The following KCNH8 variants were observed in gnomAD, a reference collection of about 807,000 sequenced individuals.
KCNH8 encodes potassium voltage-gated channel subfamily H member 8.
Under a neutral mutation model 103.6 loss-of-function variants are expected in KCNH8, and 70 were observed. That is an observed-to-expected ratio of 0.68 (90% CI 0.56 to 0.82). KCNH8 has a LOEUF of 0.82. KCNH8 is among the 40% of genes least tolerant of loss of function. KCNH8 has a pLI of 0.00. For synonymous variants in KCNH8, 498 were observed against 489.4 expected (o/e 1.02, Z -0.23); for missense variants, 1,217 against 1,329.9 (o/e 0.92, Z 1.32).
At chr3:19,333,860 TGTA>T (rs2065545429) in intron 3 of KCNH8, among the ~76,000 whole-genome samples, 1 of 152,146 alleles carries the variant, frequency 6.6e-6, no homozygotes, top group Non-Finnish European at 1.5e-5. Flanking sequence ...CTCTTTCACT[TGTA>T]GTCATTTTTG....
intron 11 of KCNH8, among the ~76,000 whole-genome samples, chr3:19,508,516 T>G (rs2068733519): frequency 6.6e-6 from 1 of 152,132 alleles, no homozygotes. Context: ...AATACCTATA[T>G]TATAGGATCA....
At chr3:19,466,649 ATTTTTTTTTTT>A (rs869048680) in intron 11 of KCNH8, among the ~76,000 whole-genome samples, 25 of 50,644 alleles carry the variant, frequency 4.9e-4, no homozygotes, top group Admixed American at 9.3e-4. Context: ...GTAGCAATAC[ATTTTTTTTTTT>A]TTTTTTTTTT....
intron 5 of KCNH8, among the ~76,000 whole-genome samples, chr3:19,366,602 C>T (rs1245312784): frequency 1.3e-5 from 2 of 151,892 alleles, no homozygotes; most frequent in South Asian, 2.1e-4. Flanking sequence ...TTTTTTCCCT[C>T]TTACCAAACG....
At chr3:19,176,216 C>A (rs1424262730) in intron 1 of KCNH8, among the ~76,000 whole-genome samples, 1 of 152,042 alleles carries the variant, frequency 6.6e-6, no homozygotes. Context: ...TGAAAGAGAC[C>A]TGAATAATTA....
Position 19,268,170 on chromosome 3 carries a change from G to A in KCNH8, c.311-13028G>A, listed in dbSNP as rs117074117. On this transcript the variant is annotated intron_variant, in intron 2 of 15. Coordinates refer to ENST00000328405, the MANE Select transcript of KCNH8 (RefSeq NM_144633.3). ...CCTCCTGTACCTTATGGTCTATTAA[G>A]AGAGAATGACTAATCAAATAATCAC... is the stretch of plus-strand genomic sequence containing the variant. Among the ~76,000 whole-genome samples, 496 of 152,212 alleles carry A rather than the reference G, an allele frequency of 3.3e-3. 22 individuals carry two copies. In the East Asian group the frequency reaches 0.083, roughly 26 times the overall value.
intron 5 of KCNH8, 129 bp from the exon 6 acceptor site, chr3:19,390,352 C>G: frequency 6.5e-5 from 40 of 614,504 alleles, no homozygotes; most frequent in Non-Finnish European, 6.9e-5. Context: ...CGATTTTCTT[C>G]CTCCCTTCCT....
intron 2 of KCNH8, among the ~76,000 whole-genome samples, chr3:19,263,963 G>A (rs1213574389): frequency 2.6e-5 from 4 of 152,010 alleles, no homozygotes; most frequent in African/African-American, 4.8e-5. Flanking sequence ...AAGTGTATTC[G>A]AGAATGTTGG....
At chr3:19,524,208 T>C (rs1484093387) in intron 15 of KCNH8, among the ~76,000 whole-genome samples, 1 of 151,940 alleles carries the variant, frequency 6.6e-6, no homozygotes, top group Non-Finnish European at 1.5e-5. Flanking sequence ...ACTGACAGAA[T>C]TGTCAGGTCA....
intron 11 of KCNH8, among the ~76,000 whole-genome samples, chr3:19,463,782 A>G (rs1267520585): frequency 1.3e-5 from 2 of 152,090 alleles, no homozygotes; most frequent in Admixed American, 6.5e-5. Context: ...CGGGGATTGT[A>G]TGGGGATGTT....
intron 1 of KCNH8, among the ~76,000 whole-genome samples, chr3:19,171,863 T>C (rs7648766): frequency 0.043 from 6,399 of 148,444 alleles, 440 homozygotes; most frequent in African/African-American, 0.16. Context: ...TGTTGGTTAG[T>C]TTGTTGGTTT....
At chr3:19,269,352 T>C (rs2064556757) in intron 2 of KCNH8, among the ~76,000 whole-genome samples, 1 of 152,106 alleles carries the variant, frequency 6.6e-6, no homozygotes, top group South Asian at 2.1e-4. Flanking sequence ...GTTCCACTAT[T>C]TTTAAAAAAA....
chr3:19,504,867 C>T (rs1464096792), intron 11 of KCNH8, among the ~76,000 whole-genome samples: 1 of 151,870 alleles, frequency 6.6e-6, no homozygotes, highest in East Asian at 1.9e-4. Flanking sequence ...CATAAAGACA[C>T]ATGCACACAT....
At chr3:19,395,351 TAA>T in intron 7 of KCNH8, 40 bp downstream of exon 7, 1 of 1,416,454 alleles carries the variant, frequency 7.1e-7, no homozygotes, top group Middle Eastern at 1.8e-4. Context: ...TTTTTTAATT[TAA>T]AAAAAAAGAG....
At chr3:19,520,727 C>CT (rs1362466588) in intron 15 of KCNH8, among the ~76,000 whole-genome samples, 1 of 151,912 alleles carries the variant, frequency 6.6e-6, no homozygotes, top group African/African-American at 2.4e-5. Context: ...GAAAAAAACT[C>CT]TACCACCAAA....
At chr3:19,435,465 G>A (rs372184214) in intron 7 of KCNH8, among the ~76,000 whole-genome samples, 12 of 152,106 alleles carry the variant, frequency 7.9e-5, no homozygotes, top group South Asian at 2.1e-4. Flanking sequence ...TACCATTTTC[G>A]CAGAGTATCT....
chr3:19,398,190 G>A (rs150260865), intron 7 of KCNH8, among the ~76,000 whole-genome samples: 10 of 152,082 alleles, frequency 6.6e-5, no homozygotes, highest in African/African-American at 1.9e-4. Context: ...TTGGTTCTGT[G>A]TTAGGCACTG....
At chr3:19,271,418 G>A (rs1014843119) in intron 2 of KCNH8, among the ~76,000 whole-genome samples, 1 of 152,122 alleles carries the variant, frequency 6.6e-6, no homozygotes, top group African/African-American at 2.4e-5. Context: ...TTAAAGTGGA[G>A]TATGATATGT....
chr3:19,489,334 C>A (rs2068272561), intron 11 of KCNH8, among the ~76,000 whole-genome samples: 1 of 152,054 alleles, frequency 6.6e-6, no homozygotes, highest in African/African-American at 2.4e-5. Context: ...GGAGCGAGAA[C>A]CTTCCTTAAC....
At chr3:19,169,366 C>G (rs1177711398) in intron 1 of KCNH8, among the ~76,000 whole-genome samples, 1 of 149,366 alleles carries the variant, frequency 6.7e-6, no homozygotes, top group African/African-American at 2.5e-5. Flanking sequence ...TCACGCCATT[C>G]TCCTGCTTCA....
Sources: gnomAD v4.1 joint callset for allele counts (sites outside exome capture counted in the v4.1 genomes callset) on GRCh38, gnomAD v4.1.1 for gene constraint, MANE v1.5 for transcripts, NCBI Gene and HGNC (gene_info 2026-07-23, HGNC 2026-07-21) for gene names.